PKHD1: variants seen among roughly 807,000 people sequenced by gnomAD.
PKHD1 encodes the protein PKHD1 ciliary IPT domain containing fibrocystin/polyductin.
A neutral mutation model predicts 412.0 loss-of-function variants in PKHD1; 291 were observed. The observed-to-expected ratio is 0.71, with a 90% confidence interval of 0.64 to 0.78. The LOEUF is 0.78. Ranked by LOEUF, PKHD1 falls within the 30% of genes least tolerant of loss-of-function variation. PKHD1 has a pLI of 0.00. For missense variants in PKHD1, 4,825 were observed against 4,950.7 expected (o/e 0.97, Z 0.76); for synonymous variants, 1,777 against 1,821.5 (o/e 0.98, Z 0.62).
chr6:51,898,966 G>A (rs542519687), intron 43 of PKHD1, among the ~76,000 whole-genome samples: 1 of 152,310 alleles, frequency 6.6e-6, no homozygotes, highest in South Asian at 2.1e-4. Context: ...ACTAAACCAG[G>A]AAGAAGTTGA....
chr6:51,716,390 C>G (rs908031120), intron 60 of PKHD1, among the ~76,000 whole-genome samples: 4 of 152,066 alleles, frequency 2.6e-5, no homozygotes, highest in African/African-American at 9.7e-5. Context: ...CTTTAAAAAG[C>G]TTTCAAAATT....
rs9370067 is a variant in PKHD1, at chr6:51,847,694, A to T, written c.8107+81T>A. The T allele has an allele frequency of 0.38, 389,650 of 1,034,706 alleles. 82,996 individuals carry two copies. Among genetic ancestry groups the T allele is most frequent in the East Asian group, 0.83 (34,990 of 42,180 alleles). The allele number at this position is 1,034,706 out of a possible 1,614,324, so 64.1% of individuals were successfully genotyped here. Reference sequence around the variant, plus strand: ...CCCTTTCAGTTCCTCAGCACTTCACAGCACAAATGTCTGGAATTGAAGGGT... The same window carrying T: ...CCCTTTCAGTTCCTCAGCACTTCACTGCACAAATGTCTGGAATTGAAGGGT... On this transcript the variant is annotated intron_variant, in intron 50 of 66. Transcript: ENST00000371117.
chr6:51,636,402 G>T (rs567995813), intron 64 of PKHD1, among the ~76,000 whole-genome samples: 1 of 152,060 alleles, frequency 6.6e-6, no homozygotes, highest in African/African-American at 2.4e-5. Context: ...TAAACCAACT[G>T]GGTGTGGTGG....
rs989913761 is a variant in PKHD1 at position 51,621,214 on chromosome 6, G to A, written c.11786-1694C>T. On this transcript the variant is annotated intron_variant, in intron 66 of 66. Coordinates refer to ENST00000371117, the MANE Select transcript of PKHD1 (RefSeq NM_138694.4). ...ATTTGAGTTCCTTCAAGGAAGAAAT[G>A]TTTGTGTGCCGTCAACCTTGCTCCC... Among the ~76,000 whole-genome samples, 14 of 152,124 alleles carry A rather than the reference G, an allele frequency of 9.2e-5. 1 individual carries two copies. The highest frequency in any genetic ancestry group is 3.4e-4 in the African/African-American group (14 of 41,436).
intron 61 of PKHD1, among the ~76,000 whole-genome samples, chr6:51,649,859 A>C (rs528223083): frequency 6.6e-6 from 1 of 152,328 alleles, no homozygotes; most frequent in African/African-American, 2.4e-5. Flanking sequence ...TTAATGAATT[A>C]ATTTACTTCA....
chr6:51,911,759 T>G lies in PKHD1; in HGVS notation c.6490+40A>C, dbSNP rs373053648. 9 of 1,562,374 alleles carry G rather than the reference T, an allele frequency of 5.8e-6. No homozygotes were observed. The African/African-American group carries it at 8.1e-5, about 14-fold the overall frequency. ...CTATCATCAGACAGTAAGAATATTC[T>G]TTTTTGCTCATTAGACTTTCCAACA... is the stretch of plus-strand genomic sequence containing the variant. On this transcript the variant is annotated intron_variant, in intron 39 of 66. Coordinates refer to ENST00000371117, the MANE Select transcript of PKHD1 (RefSeq NM_138694.4).
chr6:51,928,275 C>T (rs2127744048), intron 37 of PKHD1, among the ~76,000 whole-genome samples: 1 of 152,210 alleles, frequency 6.6e-6, no homozygotes, highest in African/African-American at 2.4e-5. Context: ...CTGAAATCAA[C>T]TGGAAAGCTA....
intron 63 of PKHD1, among the ~76,000 whole-genome samples, chr6:51,644,918 T>C (rs1023885085): frequency 2.6e-5 from 4 of 152,164 alleles, no homozygotes; most frequent in Admixed American, 2.0e-4. Flanking sequence ...GACCTTGTGA[T>C]CTGCCCGCCT....
chr6:51,719,188 T>G (rs559336169), intron 60 of PKHD1, among the ~76,000 whole-genome samples: 2 of 151,930 alleles, frequency 1.3e-5, no homozygotes, highest in African/African-American at 4.8e-5. Context: ...TGTGCCAAAT[T>G]AAGAGTTAGA....
intron 52 of PKHD1, among the ~76,000 whole-genome samples, chr6:51,825,160 A>G (rs1017449076): frequency 2.6e-5 from 4 of 152,206 alleles, no homozygotes; most frequent in African/African-American, 9.6e-5. Flanking sequence ...AATTACATAC[A>G]TGCATATATG....
chr6:51,844,706 G>A (rs1388518271), intron 50 of PKHD1, among the ~76,000 whole-genome samples: 2 of 152,142 alleles, frequency 1.3e-5, no homozygotes, highest in African/African-American at 2.4e-5. Flanking sequence ...GGGGGAAGTG[G>A]TAAAACAATA....
Position 51,943,263 on chromosome 6 carries a change from C to T in PKHD1, c.5909-8941G>A, listed in dbSNP as rs187633456. ...GACAATACTTTTACCACTTGCCCTT[C>T]TCAGAATTCAGGCCTGAACTCGGAA... On this transcript the variant is annotated intron_variant, in intron 36 of 66. Coordinates refer to ENST00000371117, the MANE Select transcript of PKHD1 (RefSeq NM_138694.4). Among the ~76,000 whole-genome samples the T allele has an allele frequency of 2.5e-4, 38 of 151,612 alleles. 1 individual carries two copies. Among genetic ancestry groups the T allele is most frequent in the Non-Finnish European group, 4.4e-4 (30 of 67,746 alleles).
chr6:51,770,658 T>A (rs978122031), intron 55 of PKHD1, among the ~76,000 whole-genome samples: 1 of 151,886 alleles, frequency 6.6e-6, no homozygotes, highest in African/African-American at 2.4e-5. Context: ...TTTTATTATT[T>A]ATTTTATGGT....
chr6:51,939,615 G>A (rs528399448), intron 36 of PKHD1, among the ~76,000 whole-genome samples: 26 of 151,530 alleles, frequency 1.7e-4, no homozygotes, highest in Non-Finnish European at 3.1e-4. Context: ...AATTCTTATC[G>A]TAAAATAGAC....
intron 9 of PKHD1, 65 bp from the exon 10 acceptor site, chr6:52,070,510 C>T (rs982770541): frequency 8.2e-7 from 1 of 1,214,568 alleles, no homozygotes; most frequent in African/African-American, 1.5e-5. Context: ...CAGGCCATTG[C>T]TTTCATAAGC....
intron 29 of PKHD1, among the ~76,000 whole-genome samples, 162 bp downstream of exon 29, chr6:52,032,868 A>G (rs1474838382): frequency 6.6e-6 from 1 of 152,222 alleles, no homozygotes; most frequent in Non-Finnish European, 1.5e-5. Flanking sequence ...AGTAGATATC[A>G]GGAGATTGAT....
At chr6:51,707,415 AT>A (rs1326972562) in intron 60 of PKHD1, among the ~76,000 whole-genome samples, 1 of 152,030 alleles carries the variant, frequency 6.6e-6, no homozygotes, top group African/African-American at 2.4e-5. Context: ...GGCAAACTCA[AT>A]TTCTTCCACC....
chr6:51,974,239 G>T (rs1403674105), intron 35 of PKHD1, among the ~76,000 whole-genome samples: 2 of 151,628 alleles, frequency 1.3e-5, no homozygotes, highest in East Asian at 3.8e-4. Context: ...AGAAAATTGA[G>T]AAAGAAAGAA....
At chr6:52,022,421 T>A (rs935652415) in intron 33 of PKHD1, among the ~76,000 whole-genome samples, 1 of 152,152 alleles carries the variant, frequency 6.6e-6, no homozygotes, top group African/African-American at 2.4e-5. Flanking sequence ...TAAGCAGATG[T>A]CTTCAGCAAC....
Sources: gnomAD v4.1 joint callset for allele counts (sites outside exome capture counted in the v4.1 genomes callset) on GRCh38, gnomAD v4.1.1 for gene constraint, MANE v1.5 for transcripts, NCBI Gene and HGNC (gene_info 2026-07-23, HGNC 2026-07-21) for gene names.